KCNIP1: variants seen among roughly 807,000 people sequenced by gnomAD.
KCNIP1 encodes A-type potassium channel modulatory protein KCNIP1.
KCNIP1 carries 18 observed loss-of-function variants against 33.0 expected under a neutral mutation model. That is an observed-to-expected ratio of 0.55 (90% confidence interval 0.38 to 0.81). KCNIP1 has a LOEUF of 0.81. KCNIP1 is among the 30% of genes least tolerant of loss of function. The probability of loss-of-function intolerance (pLI) is 0.00; values close to 1 mark genes in which losing one functional copy is unlikely to be tolerated. For missense variants in KCNIP1, 238 were observed against 271.6 expected, an observed-to-expected ratio of 0.88 and a Z score of 0.87; for synonymous variants, 93 against 98.3, an observed-to-expected ratio of 0.95 and a Z score of 0.32.
intron 1 of KCNIP1, among the ~76,000 whole-genome samples, chr5:170,371,894 T>C (rs1763855354): frequency 6.6e-6 from 1 of 152,252 alleles, no homozygotes; most frequent in African/African-American, 2.4e-5. Context: ...ACAATACTTC[T>C]GACACCACGT....
At chr5:170,388,020 C>A (rs536272919) in intron 1 of KCNIP1, among the ~76,000 whole-genome samples, 28 of 141,572 alleles carry the variant, frequency 2.0e-4, no homozygotes, top group South Asian at 4.3e-4. Context: ...GCTAATCAGC[C>A]CCCCCCAGCG....
chr5:170,705,692 A>G (rs773756459), intron 1 of KCNIP1, among the ~76,000 whole-genome samples: 6 of 152,198 alleles, frequency 3.9e-5, no homozygotes, highest in South Asian at 2.1e-4. Flanking sequence ...TCCAACCTCA[A>G]CTGACAATTG....
At chr5:170,666,150 A>C (rs562019120) in intron 1 of KCNIP1, among the ~76,000 whole-genome samples, 1 of 152,318 alleles carries the variant, frequency 6.6e-6, no homozygotes, top group Admixed American at 6.5e-5. Flanking sequence ...ATTATTCTGC[A>C]TAAGAGATTT....
intron 1 of KCNIP1, among the ~76,000 whole-genome samples, chr5:170,563,884 C>T (rs1053705415): frequency 5.3e-5 from 8 of 152,150 alleles, no homozygotes; most frequent in African/African-American, 1.9e-4. Flanking sequence ...GTGATCAGCC[C>T]GCCTGAGCCT....
intron 1 of KCNIP1, among the ~76,000 whole-genome samples, chr5:170,468,021 C>T (rs1448465931): frequency 6.6e-6 from 1 of 151,096 alleles, no homozygotes; most frequent in African/African-American, 2.4e-5. Context: ...TATGTTTACA[C>T]ACTTGTAATG....
chr5:170,585,508 G>A (rs1757953403), intron 1 of KCNIP1, among the ~76,000 whole-genome samples: 1 of 152,074 alleles, frequency 6.6e-6, no homozygotes, highest in African/African-American at 2.4e-5. Context: ...TTACTCAGAG[G>A]TGTTCAGCTC....
At chr5:170,485,140 A>T (rs1757060750) in intron 1 of KCNIP1, among the ~76,000 whole-genome samples, 1 of 151,876 alleles carries the variant, frequency 6.6e-6, no homozygotes, top group African/African-American at 2.4e-5. Context: ...GGATTTCTCC[A>T]TGTTGGTCAG....
intron 1 of KCNIP1, among the ~76,000 whole-genome samples, chr5:170,513,305 A>G (rs1755008977): frequency 6.6e-6 from 1 of 152,226 alleles, no homozygotes; most frequent in Non-Finnish European, 1.5e-5. Flanking sequence ...TTTGCCCACA[A>G]TCACACAGCT....
intron 1 of KCNIP1, among the ~76,000 whole-genome samples, chr5:170,434,736 G>T (rs894326148): frequency 6.6e-6 from 1 of 152,078 alleles, no homozygotes; most frequent in Non-Finnish European, 1.5e-5. Flanking sequence ...GGATGGATCA[G>T]TTGAGGTCAG....
intron 1 of KCNIP1, among the ~76,000 whole-genome samples, chr5:170,409,001 G>C (rs1171268828): frequency 6.6e-6 from 1 of 152,190 alleles, no homozygotes; most frequent in Non-Finnish European, 1.5e-5. Context: ...GGTGGGGTTT[G>C]CCAGTGAGCA....
intron 1 of KCNIP1, among the ~76,000 whole-genome samples, chr5:170,717,203 T>G (rs192665070): frequency 6.6e-6 from 1 of 152,356 alleles, no homozygotes. Context: ...TGTAAAATAT[T>G]AATATGTATA....
intron 1 of KCNIP1, among the ~76,000 whole-genome samples, chr5:170,581,689 C>T (rs1238301408): frequency 6.6e-6 from 1 of 152,190 alleles, no homozygotes; most frequent in African/African-American, 2.4e-5. Flanking sequence ...CGTTGTAGTA[C>T]CTCACTTATT....
chr5:170,673,457 T>C (rs1035558815), intron 1 of KCNIP1, among the ~76,000 whole-genome samples: 2 of 152,254 alleles, frequency 1.3e-5, no homozygotes, highest in South Asian at 2.1e-4. Context: ...AGGTCTACCA[T>C]GGTTCCTGTT....
At chr5:170,369,526 C>T (rs571851121) in intron 1 of KCNIP1, among the ~76,000 whole-genome samples, 6 of 152,354 alleles carry the variant, frequency 3.9e-5, no homozygotes, top group South Asian at 4.1e-4. Context: ...TGCTCCAATG[C>T]GGTGCCTGCC....
At chr5:170,572,694 G>A (rs1434870357) in intron 1 of KCNIP1, among the ~76,000 whole-genome samples, 1 of 152,194 alleles carries the variant, frequency 6.6e-6, no homozygotes, top group Admixed American at 6.5e-5. Flanking sequence ...GGACTCTGCT[G>A]CTGGAACAAA....
chr5:170,453,067 T>C (rs1504924), intron 1 of KCNIP1, among the ~76,000 whole-genome samples: 42,044 of 152,146 alleles, frequency 0.28, 5,873 homozygotes, highest in East Asian at 0.34. Context: ...AAATTATACG[T>C]CCGTGCAGTC....
chr5:170,696,032 A>T (rs1056143980), intron 1 of KCNIP1, among the ~76,000 whole-genome samples: 1 of 151,004 alleles, frequency 6.6e-6, no homozygotes, highest in Admixed American at 6.6e-5. Context: ...AAAAAAAAAA[A>T]GCCAGGCTTT....
intron 1 of KCNIP1, among the ~76,000 whole-genome samples, chr5:170,393,550 A>T (rs535344904): frequency 6.6e-6 from 1 of 152,366 alleles, no homozygotes; most frequent in South Asian, 2.1e-4. Context: ...GATTTCCTCA[A>T]CTACAAAAAT....
chr5:170,709,328 C>T (rs1159043600), intron 1 of KCNIP1, among the ~76,000 whole-genome samples: 2 of 152,120 alleles, frequency 1.3e-5, no homozygotes, highest in African/African-American at 2.4e-5. Flanking sequence ...TTTGAAGCTA[C>T]ATTATTAGTA....
Sources: gnomAD v4.1 joint callset for allele counts (sites outside exome capture counted in the v4.1 genomes callset) on GRCh38, gnomAD v4.1.1 for gene constraint, MANE v1.5 for transcripts, NCBI Gene and HGNC (gene_info 2026-07-23, HGNC 2026-07-21) for gene names.